Variants in CSMD1 observed in about 807,000 individuals in gnomAD.
The protein encoded by CSMD1 is CUB and Sushi multiple domains 1.
CSMD1 carries 213 observed loss-of-function variants against 417.5 expected under a neutral mutation model. The ratio of observed to expected loss-of-function variants is 0.51; its 90% CI spans 0.46 to 0.57. CSMD1 has a LOEUF of 0.57. Ranked by LOEUF, CSMD1 falls within the 20% of genes least tolerant of loss-of-function variation. The pLI, the probability that CSMD1 is intolerant of heterozygous loss-of-function variation, is 0.00. For synonymous variants in CSMD1, 2,862 were observed against 1,736.8 expected (o/e 1.65, Z -16.11); for missense variants, 6,923 against 4,529.7 (o/e 1.53, Z -15.17).
At chr8:3,459,545 T>C (rs1251821771) in intron 12 of CSMD1, among the ~76,000 whole-genome samples, 1 of 152,018 alleles carries the variant, frequency 6.6e-6, no homozygotes, top group Non-Finnish European at 1.5e-5. Flanking sequence ...TAAATGCAGG[T>C]ACATGGGAGA....
chr8:4,796,213 A>T (rs1268488188), intron 1 of CSMD1, among the ~76,000 whole-genome samples: 1 of 151,950 alleles, frequency 6.6e-6, no homozygotes, highest in Admixed American at 6.5e-5. Context: ...CCCTGCATCT[A>T]GTTGCTCCAA....
chr8:4,470,256 G>A (rs1800448295), intron 2 of CSMD1, among the ~76,000 whole-genome samples: 1 of 151,944 alleles, frequency 6.6e-6, no homozygotes, highest in Non-Finnish European at 1.5e-5. Flanking sequence ...TTCCCATCAG[G>A]GGCTCCTCCT....
intron 4 of CSMD1, among the ~76,000 whole-genome samples, chr8:4,019,687 C>A (rs760608646): frequency 2.0e-5 from 3 of 152,134 alleles, no homozygotes; most frequent in African/African-American, 4.8e-5. Context: ...GATAATGCTG[C>A]TCCTGCTTTG....
chr8:4,243,586 A>G (rs1280934116), intron 3 of CSMD1, among the ~76,000 whole-genome samples: 1 of 152,200 alleles, frequency 6.6e-6, no homozygotes, highest in Non-Finnish European at 1.5e-5. Context: ...TTATGCAAGG[A>G]GAGATGTCTC....
intron 3 of CSMD1, among the ~76,000 whole-genome samples, chr8:4,136,350 C>T (rs1274449982): frequency 6.6e-6 from 1 of 152,100 alleles, no homozygotes; most frequent in Non-Finnish European, 1.5e-5. Context: ...ATAAAATATT[C>T]ATCGCTGAGC....
chr8:4,834,796 AAC>A (rs563310504), intron 1 of CSMD1, among the ~76,000 whole-genome samples: 73 of 151,666 alleles, frequency 4.8e-4, no homozygotes, highest in African/African-American at 1.6e-3. Context: ...CTCTACTAAA[AAC>A]ACAAAAAAAT....
intron 23 of CSMD1, among the ~76,000 whole-genome samples, chr8:3,315,648 TA>T (rs1254729942): frequency 6.6e-6 from 1 of 152,120 alleles, no homozygotes; most frequent in Non-Finnish European, 1.5e-5. Flanking sequence ...TCCACATTTT[TA>T]AAAAATAGCA....
intron 31 of CSMD1, among the ~76,000 whole-genome samples, chr8:3,204,883 A>G (rs1797166626): frequency 6.6e-6 from 1 of 152,222 alleles, no homozygotes; most frequent in Non-Finnish European, 1.5e-5. Context: ...TGTCCTGGTC[A>G]AGAGTGAGAG....
chr8:4,322,900 G>A (rs542844456), intron 3 of CSMD1, among the ~76,000 whole-genome samples: 2 of 152,240 alleles, frequency 1.3e-5, no homozygotes, highest in African/African-American at 4.8e-5. Flanking sequence ...CAGGAGAATC[G>A]CTTGAACCCT....
At chr8:4,803,606 T>G (rs560599434) in intron 1 of CSMD1, among the ~76,000 whole-genome samples, 18 of 152,266 alleles carry the variant, frequency 1.2e-4, no homozygotes, top group Admixed American at 7.8e-4. Context: ...TTGTAGATCT[T>G]AATTACTGAA....
chr8:3,396,418 G>A, intron 16 of CSMD1, 37 bp from the exon 17 acceptor site: 1 of 1,444,830 alleles, frequency 6.9e-7, no homozygotes, highest in Non-Finnish European at 9.3e-7. Flanking sequence ...AAGACATGCA[G>A]AACTGCCAGC....
At chr8:3,740,937 C>T (rs1393454604) in intron 6 of CSMD1, among the ~76,000 whole-genome samples, 1 of 151,882 alleles carries the variant, frequency 6.6e-6, no homozygotes, top group Non-Finnish European at 1.5e-5. Flanking sequence ...TAGAGGGGGC[C>T]AGGGGTAGTG....
chr8:3,715,445 T>C (rs1215249142), intron 6 of CSMD1, among the ~76,000 whole-genome samples: 3 of 152,200 alleles, frequency 2.0e-5, no homozygotes, highest in Admixed American at 2.0e-4. Flanking sequence ...CTCTTCTGCA[T>C]GATCATTTTT....
chr8:4,914,076 C>G (rs1585317433), intron 1 of CSMD1, among the ~76,000 whole-genome samples: 1 of 152,168 alleles, frequency 6.6e-6, no homozygotes. Context: ...CTAAATTACT[C>G]AGAGAGGAAG....
chr8:4,770,609 A>G (rs1384743205), intron 1 of CSMD1, among the ~76,000 whole-genome samples: 1 of 152,098 alleles, frequency 6.6e-6, no homozygotes, highest in Non-Finnish European at 1.5e-5. Context: ...TTGGCATAAG[A>G]AAAGGCACAT....
chr8:4,841,360 A>G (rs184034592), intron 1 of CSMD1, among the ~76,000 whole-genome samples: 36 of 152,330 alleles, frequency 2.4e-4, no homozygotes, highest in Middle Eastern at 3.4e-3. Flanking sequence ...TACAGTTTGG[A>G]ACCACTGAGC....
rs143542161 is a variant in CSMD1, at chr8:4,662,680, T to A, written c.86-25122A>T. 8.8e-4 allele frequency among the ~76,000 whole-genome samples: 134 copies of A among 152,310 alleles called. 1 individual carries two copies. The East Asian group carries it at 0.025, about 29-fold the overall frequency. On this transcript the variant is annotated intron_variant, in intron 1 of 69. Coordinates refer to ENST00000635120, the MANE Select transcript of CSMD1 (RefSeq NM_033225.6). ...CGCCACTTCGTTTTGTGGTCTACTT[T>A]CAGGAGCATTTGTACACTGCACTTT... is the stretch of plus-strand genomic sequence containing the variant.
chr8:3,725,093 G>C (rs942526382), intron 6 of CSMD1, among the ~76,000 whole-genome samples: 1 of 152,186 alleles, frequency 6.6e-6, no homozygotes, highest in Non-Finnish European at 1.5e-5. Context: ...TCAGCATAGC[G>C]GTTTGGAAGG....
chr8:3,635,852 A>G (rs1228510423), intron 7 of CSMD1, among the ~76,000 whole-genome samples: 5 of 151,350 alleles, frequency 3.3e-5, no homozygotes, highest in Non-Finnish European at 7.4e-5. Flanking sequence ...GACACTGCAC[A>G]CTTAGGTTAC....
Sources: allele counts gnomAD v4.1 joint callset (sites outside exome capture counted in the v4.1 genomes callset), GRCh38; gene constraint gnomAD v4.1.1; transcripts MANE v1.5; gene names NCBI Gene and HGNC (gene_info 2026-07-23, HGNC 2026-07-21).